KIAA1671: variants seen among roughly 807,000 people sequenced by gnomAD.
KIAA1671 encodes uncharacterized protein KIAA1671.
Under a neutral mutation model 131.2 loss-of-function variants are expected in KIAA1671, and 52 were observed. The ratio of observed to expected loss-of-function variants is 0.40; its 90% CI spans 0.32 to 0.50. The LOEUF (loss-of-function observed/expected upper bound fraction) is 0.50. KIAA1671 is among the 20% of genes least tolerant of loss of function. KIAA1671 has a pLI of 0.73. For missense variants in KIAA1671, 2,360 were observed against 2,364.2 expected (o/e 1.00, Z 0.04); for synonymous variants, 1,003 against 961.6 (o/e 1.04, Z -0.80).
At chr22:25,105,826 G>T (rs887755623) in intron 6 of KIAA1671, among the ~76,000 whole-genome samples, 3 of 151,838 alleles carry the variant, frequency 2.0e-5, no homozygotes, top group Non-Finnish European at 2.9e-5. Flanking sequence ...AGTTGGGGGG[G>T]GGGGGTGCCA....
intron 6 of KIAA1671, among the ~76,000 whole-genome samples, chr22:25,090,259 C>T (rs978595562): frequency 6.6e-6 from 1 of 152,214 alleles, no homozygotes; most frequent in African/African-American, 2.4e-5. Context: ...TAATTTCTTT[C>T]GTCAGTCCCT....
At chr22:25,119,013 A>G (rs1931812636) in intron 6 of KIAA1671, among the ~76,000 whole-genome samples, 2 of 151,990 alleles carry the variant, frequency 1.3e-5, no homozygotes, top group Non-Finnish European at 2.9e-5. Flanking sequence ...ATCTCATTCT[A>G]TACTTATTTC....
chr22:24,986,486 G>A (rs554870875), intron 1 of KIAA1671, among the ~76,000 whole-genome samples: 8,677 of 150,656 alleles, frequency 0.058, 824 homozygotes, highest in African/African-American at 0.2. Context: ...AATATGACAA[G>A]AAAAAAAAAC....
At position 25,195,602 on chromosome 22, in the gene KIAA1671, G is replaced by C. The variant is rs1401040865; in HGVS notation, c.*3201G>C. 1 of 152,134 alleles carries C rather than the reference G, an allele frequency of 6.6e-6. No homozygotes were observed. Among genetic ancestry groups the C allele is most frequent in the Non-Finnish European group, 1.5e-5 (1 of 68,018 alleles). 9.4% of individuals were successfully genotyped at this position (152,134 alleles called of 1,614,324 possible). On this transcript the variant is annotated 3_prime_UTR_variant, in exon 13 of 13. Transcript: ENST00000358431. Reference sequence around the variant, plus strand: ...CACCAAGAAGCCAAAAGAGAAATAGGCATGAGCCTGTGGTTTTAAACTTTA... The same window carrying C: ...CACCAAGAAGCCAAAAGAGAAATAGCCATGAGCCTGTGGTTTTAAACTTTA...
At chr22:24,956,401 C>G (rs570798227) in intron 1 of KIAA1671, among the ~76,000 whole-genome samples, 10 of 152,280 alleles carry the variant, frequency 6.6e-5, no homozygotes, top group African/African-American at 2.4e-4. Context: ...CATTGTGAGG[C>G]GTTTGCCAGG....
intron 6 of KIAA1671, among the ~76,000 whole-genome samples, chr22:25,128,598 C>T (rs1490250212): frequency 6.6e-6 from 1 of 152,172 alleles, no homozygotes; most frequent in Non-Finnish European, 1.5e-5. Context: ...CTTGTCCTGA[C>T]CAACCGAGAA....
chr22:25,063,524 A>G (rs1167478401), intron 6 of KIAA1671: 2 of 151,860 alleles, frequency 1.3e-5, no homozygotes. Context: ...ATGAAAAGGC[A>G]TAAGAATGAT....
intron 6 of KIAA1671, among the ~76,000 whole-genome samples, chr22:25,073,240 T>A (rs1212585418): frequency 1.3e-5 from 2 of 151,714 alleles, no homozygotes; most frequent in African/African-American, 4.8e-5. Context: ...GCTAATTTTT[T>A]AACTTTTTAT....
Position 25,028,079 on chromosome 22 carries a change from C to A in KIAA1671, c.80C>A (p.Thr27Asn). The A allele has an allele frequency of 6.4e-7, 1 of 1,550,890 alleles. No individual in the cohort carries two copies. Among genetic ancestry groups the A allele is most frequent in the Non-Finnish European group, 8.7e-7 (1 of 1,146,576 alleles). The change falls in exon 3 of 13, where the codon ACC becomes AAC. Residue 27 changes from threonine to asparagine, a missense_variant. Around this residue, in one of 3 missense-constraint regions of KIAA1671, gnomAD observed 1,185 missense variants for 1,126.2 expected, o/e 1.05. Coordinates refer to ENST00000358431, the MANE Select transcript of KIAA1671 (RefSeq NM_001145206.2). ...PGLGEMGKEE[T>N]LTRTYFLQAG... ...CTGGGTGAGATGGGCAAGGAGGAGA[C>A]CCTGACGAGGACCTACTTCCTCCAG... is the stretch of plus-strand genomic sequence containing the variant.
intron 6 of KIAA1671, among the ~76,000 whole-genome samples, chr22:25,165,474 T>C (rs762349439): frequency 7.9e-4 from 120 of 152,252 alleles, no homozygotes; most frequent in Non-Finnish European, 1.5e-3. Context: ...ACAGCAGTGC[T>C]GTACACTACA....
At chr22:24,986,438 G>C (rs565980778) in intron 1 of KIAA1671, among the ~76,000 whole-genome samples, 1 of 151,998 alleles carries the variant, frequency 6.6e-6, no homozygotes, top group South Asian at 2.1e-4. Context: ...ATACAATGTA[G>C]ATACCATGTA....
At chr22:25,032,202 C>T (rs1229789037) in intron 3 of KIAA1671, among the ~76,000 whole-genome samples, 1 of 152,194 alleles carries the variant, frequency 6.6e-6, no homozygotes, top group African/African-American at 2.4e-5. Context: ...ATTCATTATC[C>T]CTCCTGGGGC....
Position 25,000,523 on chromosome 22 carries a change from C to T in KIAA1671, c.-207-25110C>T, listed in dbSNP as rs182536478. Among the ~76,000 whole-genome samples, 253 of 130,772 alleles carry T rather than the reference C, an allele frequency of 1.9e-3. 1 individual carries two copies. The highest frequency in any genetic ancestry group is 7.0e-3 in the African/African-American group (242 of 34,652). 85.8% of individuals were successfully genotyped at this position (130,772 alleles called of 152,430 possible). ...TTTTTTTTTTTTTAAATGTAGCTTT[C>T]GATGTTGTTGTTGTTGTTTTGAGAC... On this transcript the variant is annotated intron_variant, in intron 1 of 12. Transcript: ENST00000358431.
intron 4 of KIAA1671, 48 bp downstream of exon 4, chr22:25,032,744 A>G: frequency 1.6e-6 from 2 of 1,228,092 alleles, no homozygotes; most frequent in Non-Finnish European, 2.3e-6. Flanking sequence ...GCGGGCAGTT[A>G]TGGCTGCTGG....
intron 6 of KIAA1671, among the ~76,000 whole-genome samples, chr22:25,161,906 C>T (rs966389485): frequency 8.5e-5 from 13 of 152,090 alleles, no homozygotes; most frequent in African/African-American, 3.1e-4. Context: ...CTTAGTTTTC[C>T]CCTCTATAAA....
intron 1 of KIAA1671, among the ~76,000 whole-genome samples, chr22:24,986,758 T>A (rs1050795893): frequency 6.7e-6 from 1 of 150,196 alleles, no homozygotes; most frequent in Non-Finnish European, 1.5e-5. Context: ...GATGCACAGC[T>A]CTATGCTGGG....
chr22:25,002,653 A>C (rs1924540537), intron 1 of KIAA1671, among the ~76,000 whole-genome samples: 1 of 152,144 alleles, frequency 6.6e-6, no homozygotes, highest in African/African-American at 2.4e-5. Context: ...CTGCATCTAG[A>C]GGTGAATGCT....
At chr22:25,047,053 C>T (rs1927276912) in intron 5 of KIAA1671, among the ~76,000 whole-genome samples, 1 of 151,442 alleles carries the variant, frequency 6.6e-6, no homozygotes, top group Admixed American at 6.6e-5. Context: ...TCACTGCGGC[C>T]TCAACCTCCT....
At chr22:25,118,445 C>T (rs1205719037) in intron 6 of KIAA1671, among the ~76,000 whole-genome samples, 1 of 152,160 alleles carries the variant, frequency 6.6e-6, no homozygotes, top group Non-Finnish European at 1.5e-5. Flanking sequence ...TACACCACCA[C>T]ACCTACCTAA....
Sources: allele counts gnomAD v4.1 joint callset (sites outside exome capture counted in the v4.1 genomes callset), GRCh38; gene constraint gnomAD v4.1.1; regional missense constraint gnomAD v4.1.1; transcripts MANE v1.5; gene names NCBI Gene and HGNC (gene_info 2026-07-23, HGNC 2026-07-21).